The following MGST1 variants were observed in gnomAD, a reference collection of about 807,000 sequenced individuals.
The protein encoded by MGST1 is glutathione S-transferase 12.
Under a neutral mutation model 8.9 loss-of-function variants are expected in MGST1, and 5 were observed. That is an observed-to-expected ratio of 0.56 (90% CI 0.29 to 1.19). MGST1 has a LOEUF of 1.19. Ranked by LOEUF, MGST1 falls within the 50% of genes most tolerant of loss-of-function variation. The pLI is 0.08. For missense variants in MGST1, 182 were observed against 187.4 expected (o/e 0.97, Z 0.17); for synonymous variants, 54 against 67.8 (o/e 0.80, Z 1.00).
rs767365830 is a variant in MGST1 at position 16,354,310 on chromosome 12, G to A, written c.58G>A (p.Ala20Thr). 6.2e-7 allele frequency: 1 copy of A among 1,606,896 alleles called. No individual in the cohort carries two copies. Among genetic ancestry groups the A allele is most frequent in the South Asian group, 1.1e-5 (1 of 88,906 alleles). Residue 20 changes from alanine to threonine, a missense_variant, in exon 2 of 4, where the codon GCA becomes ACA. Physicochemically the swap from Ala to Thr is moderately conservative, Grantham distance 58. Transcript: ENST00000396210. ...DEVFMAFASYATIILSKMMLM... is the reference protein window; with the variant it reads ...DEVFMAFASYTTIILSKMMLM... ...AGTATTCATGGCTTTTGCATCCTAT[G>A]CAACAATTATTCTTTCAAAAATGAT...
intron 1 of MGST1, among the ~76,000 whole-genome samples, chr12:16,434,454 G>GTGTA (rs1322431749): frequency 1.3e-5 from 2 of 151,650 alleles, no homozygotes; most frequent in African/African-American, 4.8e-5. Context: ...GTGTGTGTGT[G>GTGTA]TGTGTGTGTT....
At chr12:16,396,174 G>T (rs1252396815) in intron 1 of MGST1, among the ~76,000 whole-genome samples, 4 of 151,888 alleles carry the variant, frequency 2.6e-5, no homozygotes. Flanking sequence ...TTGTGGTTTT[G>T]ATTTGCATTT....
intron 4 of MGST1, among the ~76,000 whole-genome samples, chr12:16,485,254 T>G (rs1268525001): frequency 6.6e-6 from 1 of 152,218 alleles, no homozygotes; most frequent in Non-Finnish European, 1.5e-5. Context: ...CGAATGCTCG[T>G]TGTCTCAAGG....
chr12:16,568,130 A>T (rs966558271), intron 4 of MGST1, among the ~76,000 whole-genome samples: 7 of 152,228 alleles, frequency 4.6e-5, no homozygotes, highest in Non-Finnish European at 1.0e-4. Context: ...AGTTATTGTC[A>T]TCGGTTTCTC....
chr12:16,511,577 C>A (rs1941577923), intron 4 of MGST1, among the ~76,000 whole-genome samples: 1 of 152,172 alleles, frequency 6.6e-6, no homozygotes, highest in South Asian at 2.1e-4. Flanking sequence ...AACGTCCTAG[C>A]ATTCCTAGAA....
intron 4 of MGST1, among the ~76,000 whole-genome samples, chr12:16,486,332 T>C (rs1037109978): frequency 6.6e-6 from 1 of 152,338 alleles, no homozygotes; most frequent in African/African-American, 2.4e-5. Flanking sequence ...AATGCTCAGC[T>C]ATTAATCGAA....
intron 4 of MGST1, among the ~76,000 whole-genome samples, chr12:16,496,980 G>A (rs984726597): frequency 2.0e-5 from 3 of 152,160 alleles, no homozygotes; most frequent in Non-Finnish European, 4.4e-5. Flanking sequence ...CTAAAGCTTA[G>A]CAGCTATTAA....
intron 4 of MGST1, among the ~76,000 whole-genome samples, chr12:16,471,199 C>T (rs1941287824): frequency 6.6e-6 from 1 of 152,144 alleles, no homozygotes; most frequent in Non-Finnish European, 1.5e-5. Flanking sequence ...ATTAAGGAAA[C>T]ATAGAATTTG....
chr12:16,401,194 T>C lies in MGST1; in HGVS notation n.778+17590T>C. The C allele has an allele frequency of 6.4e-7, 1 of 1,557,084 alleles. No individual in the cohort carries two copies. Among genetic ancestry groups the C allele is most frequent in the African/African-American group, 1.4e-5 (1 of 73,806 alleles). On this transcript the variant is annotated intron_variant and non_coding_transcript_variant, in intron 1 of 1. Transcript: ENST00000359720. The surrounding 1 kb of genome is among the most constrained non-coding windows in gnomAD (Gnocchi z 4.3). Reference sequence around the variant, plus strand: ...GAGAACAGTAGCTGGGCCATCCTCATCCATAAGCACTGTGTCACTAAGGAA... The same window carrying C: ...GAGAACAGTAGCTGGGCCATCCTCACCCATAAGCACTGTGTCACTAAGGAA...
rs770333076 is a variant in MGST1, at chr12:16,587,592, A to T, written n.483-1936A>T. ...ACTACCCTTGGTGTTAAATTTTCTTAAATTGTATTTCTGTCAGTGTATCAT... is the reference window on the plus strand; with the variant it reads ...ACTACCCTTGGTGTTAAATTTTCTTTAATTGTATTTCTGTCAGTGTATCAT... On this transcript the variant is annotated intron_variant and non_coding_transcript_variant, in intron 4 of 4. Transcript: ENST00000538857. This position sits in a 1 kb window ranked among gnomAD's most constrained non-coding sequence, Gnocchi z 4.3. Among the ~76,000 whole-genome samples, 2 of 152,040 alleles carry T rather than the reference A, an allele frequency of 1.3e-5. No homozygotes were observed. Among genetic ancestry groups the T allele is most frequent in the Non-Finnish European group, 2.9e-5 (2 of 68,022 alleles).
intron 3 of MGST1, among the ~76,000 whole-genome samples, chr12:16,374,203 C>G (rs1340677840): frequency 6.6e-6 from 1 of 151,866 alleles, no homozygotes; most frequent in East Asian, 1.9e-4. Flanking sequence ...ATGCTATGGC[C>G]AAATGAAACT....
At position 16,399,312 on chromosome 12, in the gene MGST1, G is replaced by A; in HGVS notation, n.778+15708G>A. The A allele has an allele frequency of 3.7e-6, 6 of 1,605,048 alleles. No individual in the cohort carries two copies. The South Asian group carries it at 5.5e-5, about 15-fold the overall frequency. On this transcript the variant is annotated intron_variant and non_coding_transcript_variant, in intron 1 of 1. Coordinates refer to the MGST1 transcript ENST00000359720. ...TTTCTTGGGGGGTGCAGAGCTGTGTGTGGAACCATGGTTGGAACCACGGTT... is the reference window on the plus strand; with the variant it reads ...TTTCTTGGGGGGTGCAGAGCTGTGTATGGAACCATGGTTGGAACCACGGTT...
At chr12:16,373,436 A>G (rs1032899120) in intron 3 of MGST1, among the ~76,000 whole-genome samples, 1 of 152,054 alleles carries the variant, frequency 6.6e-6, no homozygotes, top group African/African-American at 2.4e-5. Flanking sequence ...AGAAATGATA[A>G]ATACTTGAGG....
At chr12:16,488,632 T>C (rs1278832240) in intron 4 of MGST1, among the ~76,000 whole-genome samples, 1 of 152,138 alleles carries the variant, frequency 6.6e-6, no homozygotes, top group African/African-American at 2.4e-5. Flanking sequence ...ATTTTTATTT[T>C]GAAATTACAA....
At chr12:16,510,370 C>T (rs1941569059) in intron 4 of MGST1, among the ~76,000 whole-genome samples, 2 of 152,182 alleles carry the variant, frequency 1.3e-5, no homozygotes, top group Admixed American at 6.5e-5. Flanking sequence ...ACCTTTTCCT[C>T]ACAAACTTTG....
In MGST1 at chr12:16,454,902, A is replaced by AAAAAAAAG. The variant is rs1555104768; in HGVS notation, n.482+71300_482+71301insAAAAAGAA. Among the ~76,000 whole-genome samples, 132 of 125,970 alleles carry AAAAAAAAG rather than the reference A, an allele frequency of 1.0e-3. 13 individuals carry two copies. The highest frequency in any genetic ancestry group is 3.1e-3 in the African/African-American group (95 of 30,914). 82.6% of individuals were successfully genotyped at this position (125,970 alleles called of 152,430 possible). On this transcript the variant is annotated intron_variant and non_coding_transcript_variant, in intron 4 of 4. Transcript: ENST00000538857. ...AAAAAAAAAAAAAAAAAAAAAAAAA[A>AAAAAAAAG]AAGGAGATGGGAAGATTTGAGGAGA...
At position 16,401,769 on chromosome 12, in the gene MGST1, G is replaced by C. The variant is rs573103059; in HGVS notation, n.778+18165G>C. 6.2e-7 allele frequency: 1 copy of C among 1,600,626 alleles called. No homozygotes were observed. The highest frequency in any genetic ancestry group is 8.6e-7 in the Non-Finnish European group (1 of 1,167,716). On this transcript the variant is annotated intron_variant and non_coding_transcript_variant, in intron 1 of 1. Transcript: ENST00000359720. The surrounding 1 kb of genome is among the most constrained non-coding windows in gnomAD (Gnocchi z 4.3). Reference sequence around the variant, plus strand: ...TTCAACGGCCTTTTCCACAGACTCAGCCAGTTTGCTGTGTCAAACTTTCTC... The same window carrying C: ...TTCAACGGCCTTTTCCACAGACTCACCCAGTTTGCTGTGTCAAACTTTCTC...
intron 4 of MGST1, among the ~76,000 whole-genome samples, chr12:16,562,752 A>G (rs1942448007): frequency 6.6e-6 from 1 of 152,222 alleles, no homozygotes; most frequent in Non-Finnish European, 1.5e-5. Context: ...GGCAATCTGC[A>G]TAATTACAAG....
At chr12:16,357,060 T>C (rs923287355) in intron 2 of MGST1, among the ~76,000 whole-genome samples, 5 of 152,220 alleles carry the variant, frequency 3.3e-5, no homozygotes, top group Admixed American at 2.6e-4. Context: ...TATTCACTGG[T>C]TTTTGTTCAA....
Sources: gnomAD v4.1 joint callset for allele counts (sites outside exome capture counted in the v4.1 genomes callset) on GRCh38, gnomAD v4.1.1 for gene constraint, Gnocchi (gnomAD v3.1) non-coding constraint, MANE v1.5 for transcripts, NCBI Gene and HGNC (gene_info 2026-07-23, HGNC 2026-07-21) for gene names.